The following PRKCQ variants were observed in gnomAD, a reference collection of about 807,000 sequenced individuals.
PRKCQ encodes the protein protein kinase C theta, also known as protein kinase C theta type.
In PRKCQ, 41 loss-of-function variants were observed where a neutral mutation model predicts 91.2. The observed-to-expected ratio is 0.45, with a 90% CI of 0.35 to 0.58. The LOEUF (loss-of-function observed/expected upper bound fraction) is 0.58. PRKCQ is among the 20% of genes least tolerant of loss of function. The pLI is 0.00. For synonymous variants in PRKCQ, 307 were observed against 316.9 expected (o/e 0.97, Z 0.33); for missense variants, 673 against 896.5 (o/e 0.75, Z 3.18).
chr10:6,512,658 G>C (rs1353293620), intron 2 of PRKCQ, among the ~76,000 whole-genome samples: 1 of 152,168 alleles, frequency 6.6e-6, no homozygotes, highest in Non-Finnish European at 1.5e-5. Context: ...TTAAAGCCAG[G>C]AAATAAAGCC....
At chr10:6,434,480 A>G (rs540977647) in intron 16 of PRKCQ, among the ~76,000 whole-genome samples, 2 of 152,308 alleles carry the variant, frequency 1.3e-5, no homozygotes, top group South Asian at 4.1e-4. Context: ...GTAAATTAGT[A>G]TATGTTCTGC....
At chr10:6,579,646 T>C (rs60439385) in intron 1 of PRKCQ, among the ~76,000 whole-genome samples, 6,317 of 45,946 alleles carry the variant, frequency 0.14, 431 homozygotes, top group African/African-American at 0.35. Context: ...CACGCAGATT[T>C]TTCTTTTTTT....
At chr10:6,544,749 T>G (rs1839891304) in intron 1 of PRKCQ, among the ~76,000 whole-genome samples, 1 of 151,932 alleles carries the variant, frequency 6.6e-6, no homozygotes, top group Admixed American at 6.6e-5. Flanking sequence ...GCCTCCCAAG[T>G]AACTGGGACA....
intron 15 of PRKCQ, among the ~76,000 whole-genome samples, chr10:6,450,988 C>G (rs1248392100): frequency 6.6e-6 from 1 of 151,974 alleles, no homozygotes; most frequent in Non-Finnish European, 1.5e-5. Context: ...AAATCCAAAA[C>G]TGACACCCTA....
chr10:6,479,657 C>T (rs977174350), intron 11 of PRKCQ, among the ~76,000 whole-genome samples: 10 of 148,550 alleles, frequency 6.7e-5, no homozygotes, highest in African/African-American at 1.7e-4. Context: ...CGGCCAGGTG[C>T]GGTGGCTCAA....
chr10:6,506,573 C>T (rs967289115), intron 4 of PRKCQ, among the ~76,000 whole-genome samples: 5 of 152,100 alleles, frequency 3.3e-5, no homozygotes, highest in Non-Finnish European at 7.3e-5. Flanking sequence ...TTCACCATGC[C>T]TCAATATCAT....
chr10:6,446,395 C>G (rs189528241), intron 15 of PRKCQ, among the ~76,000 whole-genome samples: 1 of 128,958 alleles, frequency 7.8e-6, no homozygotes, highest in Non-Finnish European at 1.6e-5. Flanking sequence ...GACAGAGTCT[C>G]GCTTATGTTG....
At chr10:6,562,025 T>C (rs1313377286) in intron 1 of PRKCQ, among the ~76,000 whole-genome samples, 1 of 152,114 alleles carries the variant, frequency 6.6e-6, no homozygotes, top group Non-Finnish European at 1.5e-5. Flanking sequence ...TAGTTTAAAA[T>C]TTACAACATT....
At chr10:6,548,109 G>A (rs1840034195) in intron 1 of PRKCQ, among the ~76,000 whole-genome samples, 1 of 152,204 alleles carries the variant, frequency 6.6e-6, no homozygotes, top group Non-Finnish European at 1.5e-5. Flanking sequence ...AGACATTTAT[G>A]CAGCCAAAAG....
intron 1 of PRKCQ, among the ~76,000 whole-genome samples, chr10:6,568,318 T>C (rs975762850): frequency 6.6e-6 from 1 of 151,696 alleles, no homozygotes; most frequent in African/African-American, 2.4e-5. Context: ...TAAAATATCT[T>C]TTCATTTAAT....
intron 16 of PRKCQ, among the ~76,000 whole-genome samples, chr10:6,431,540 A>G (rs1041018931): frequency 6.6e-6 from 1 of 152,174 alleles, no homozygotes; most frequent in East Asian, 1.9e-4. Context: ...ACGCATACAC[A>G]CACGTACAGG....
chr10:6,462,669 G>T (rs374285265), intron 13 of PRKCQ, among the ~76,000 whole-genome samples: 111 of 151,646 alleles, frequency 7.3e-4, no homozygotes, highest in African/African-American at 2.5e-3. Flanking sequence ...CATTTTTTTT[G>T]TTGTTTTTGC....
At chr10:6,486,220 A>G in intron 8 of PRKCQ, 76 bp from the exon 9 acceptor site, 1 of 1,249,054 alleles carries the variant, frequency 8.0e-7, no homozygotes, top group Non-Finnish European at 1.2e-6. Context: ...TGGAGGTAAG[A>G]CAGAGCCTTG....
chr10:6,398,052 T>A, the PRKCQ span, among the ~76,000 whole-genome samples: 1 of 152,270 alleles, frequency 6.6e-6, no homozygotes, highest in Non-Finnish European at 1.5e-5. Flanking sequence ...AGCTGCTTTT[T>A]GTGCATGGTG....
chr10:6,483,388 G>A (rs1324755908), intron 11 of PRKCQ, 52 bp downstream of exon 11: 1 of 1,602,248 alleles, frequency 6.2e-7, no homozygotes, highest in Admixed American at 1.7e-5. Context: ...CAGGAACTTG[G>A]CTCATCAGTT....
At chr10:6,404,592 TTTC>T in the PRKCQ span, among the ~76,000 whole-genome samples, 4 of 148,594 alleles carry the variant, frequency 2.7e-5, no homozygotes, top group Non-Finnish European at 3.0e-5. Flanking sequence ...TCTTTCTTTT[TTTC>T]TCTCTCTCTT....
rs539842420 is a variant in PRKCQ at position 6,465,662 on chromosome 10, G to A, written c.1354-1258C>T. On this transcript the variant is annotated intron_variant, in intron 12 of 17. Coordinates refer to ENST00000263125, the MANE Select transcript of PRKCQ (RefSeq NM_006257.5). This position sits in a 1 kb window ranked among gnomAD's most constrained non-coding sequence, Gnocchi z 4.4. The stretch of plus-strand genomic sequence containing the variant: ...TTTACGTTTTGATGTGAACCCAACC[G>A]AGGCCGTGGGGCATAGGAGGTAATA... Among the ~76,000 whole-genome samples the A allele has an allele frequency of 1.2e-4, 19 of 152,310 alleles. No individual in the cohort carries two copies. In the South Asian group the frequency reaches 1.9e-3, roughly 15 times the overall value.
At chr10:6,404,507 G>GTCTC in the PRKCQ span, among the ~76,000 whole-genome samples, 2,606 of 117,646 alleles carry the variant, frequency 0.022, 32 homozygotes, top group South Asian at 0.025. Context: ...TTCTTTCTCT[G>GTCTC]TCTCTCCTTC....
chr10:6,452,829 T>C (rs1269899549), intron 15 of PRKCQ, among the ~76,000 whole-genome samples: 1,564 of 113,516 alleles, frequency 0.014, no homozygotes, highest in East Asian at 0.018. Flanking sequence ...GGGAAAGGAT[T>C]CCCTATTTAA....
Sources: allele counts gnomAD v4.1 joint callset (sites outside exome capture counted in the v4.1 genomes callset), GRCh38; gene constraint gnomAD v4.1.1; non-coding constraint Gnocchi (gnomAD v3.1); transcripts MANE v1.5; gene names NCBI Gene and HGNC (gene_info 2026-07-23, HGNC 2026-07-21).